Variants in CNIH3 observed in about 807,000 individuals in gnomAD.
CNIH3 encodes the protein protein cornichon homolog 3.
CNIH3 carries 14 observed loss-of-function variants against 24.1 expected under a neutral mutation model. The observed-to-expected ratio is 0.58, with a 90% confidence interval of 0.38 to 0.91. The LOEUF (loss-of-function observed/expected upper bound fraction) is 0.91. CNIH3 is among the 40% of genes least tolerant of loss of function. The pLI, the probability that CNIH3 is intolerant of heterozygous loss-of-function variation, is 0.00. For missense variants in CNIH3, 178 were observed against 196.8 expected (o/e 0.90, Z 0.57); for synonymous variants, 68 against 73.8 (o/e 0.92, Z 0.40).
chr1:224,598,831 A>G (rs1310882081), intron 3 of CNIH3, among the ~76,000 whole-genome samples: 2 of 152,340 alleles, frequency 1.3e-5, no homozygotes, highest in East Asian at 3.9e-4. Context: ...ACCACAGTAT[A>G]GTATAAACAT....
chr1:224,552,445 G>A (rs1225538632), intron 3 of CNIH3, among the ~76,000 whole-genome samples: 2 of 149,844 alleles, frequency 1.3e-5, no homozygotes, highest in Non-Finnish European at 3.0e-5. Context: ...TGTGGTATTA[G>A]GAGTAATATC....
intron 3 of CNIH3, among the ~76,000 whole-genome samples, chr1:224,557,824 A>G (rs1680204548): frequency 6.6e-6 from 1 of 152,220 alleles, no homozygotes; most frequent in Admixed American, 6.5e-5. Flanking sequence ...TCATTTTGGT[A>G]TCTAGCACCT....
At chr1:224,548,685 G>A (rs947729856) in intron 3 of CNIH3, among the ~76,000 whole-genome samples, 9 of 150,442 alleles carry the variant, frequency 6.0e-5, no homozygotes, top group African/African-American at 2.0e-4. Flanking sequence ...TATCATGATG[G>A]CAGTACACCC....
intron 1 of CNIH3, among the ~76,000 whole-genome samples, chr1:224,651,341 T>A (rs958003904): frequency 6.6e-6 from 1 of 152,208 alleles, no homozygotes; most frequent in Non-Finnish European, 1.5e-5. Context: ...GACTGTACTT[T>A]CATGTGTCTT....
chr1:224,553,341 A>G (rs1279786518), intron 3 of CNIH3, among the ~76,000 whole-genome samples: 1 of 151,994 alleles, frequency 6.6e-6, no homozygotes, highest in Non-Finnish European at 1.5e-5. Context: ...AGATATATCT[A>G]TAACATCCAG....
At chr1:224,522,739 T>TA (rs1220911486) in intron 2 of CNIH3, among the ~76,000 whole-genome samples, 1 of 152,080 alleles carries the variant, frequency 6.6e-6, no homozygotes, top group Non-Finnish European at 1.5e-5. Flanking sequence ...AGCTAAAACC[T>TA]AAAAAAACAA....
intron 1 of CNIH3, among the ~76,000 whole-genome samples, chr1:224,646,570 T>A (rs1038249380): frequency 1.3e-5 from 2 of 152,150 alleles, no homozygotes; most frequent in African/African-American, 4.8e-5. Flanking sequence ...CACGCCCAGC[T>A]AATTTTTGTA....
Position 224,604,011 on chromosome 1 carries a change from C to T in CNIH3, n.402+37747C>T, listed in dbSNP as rs998535766. 2.6e-5 allele frequency among the ~76,000 whole-genome samples: 4 copies of T among 152,118 alleles called. No individual in the cohort carries two copies. Among genetic ancestry groups the T allele is most frequent in the East Asian group, 1.9e-4 (1 of 5,192 alleles). Reference sequence around the variant, plus strand: ...CAAGAATTACAATGCACAGACAATACAAATAAAGTAACAACTATGTAGAAC... The same window carrying T: ...CAAGAATTACAATGCACAGACAATATAAATAAAGTAACAACTATGTAGAAC... On this transcript the variant is annotated intron_variant and non_coding_transcript_variant, in intron 3 of 7. Coordinates refer to the CNIH3 transcript ENST00000478120. The surrounding 1 kb of genome is among the most constrained non-coding windows in gnomAD (Gnocchi z 4.4).
At chr1:224,516,309 T>C (rs1278936323) in intron 1 of CNIH3, among the ~76,000 whole-genome samples, 1 of 91,172 alleles carries the variant, frequency 1.1e-5, no homozygotes, top group African/African-American at 5.8e-5. Context: ...CGAGACTCTG[T>C]CTCAAAAAAA....
chr1:224,574,362 A>G, intron 4 of CNIH3: 1 of 391,524 alleles, frequency 2.6e-6, no homozygotes. Flanking sequence ...TAACTATTTT[A>G]ATATTATTAA....
At chr1:224,531,412 A>G (rs936322750) in intron 2 of CNIH3, among the ~76,000 whole-genome samples, 1 of 152,184 alleles carries the variant, frequency 6.6e-6, no homozygotes, top group South Asian at 2.1e-4. Context: ...CTAAGATAGG[A>G]AGACCCCACC....
chr1:224,523,942 A>G (rs905967463), intron 2 of CNIH3, among the ~76,000 whole-genome samples: 6 of 152,318 alleles, frequency 3.9e-5, no homozygotes, highest in African/African-American at 1.4e-4. Flanking sequence ...CTAAGAAACA[A>G]AACTCCCAGG....
At chr1:224,696,375 G>A (rs1687176636) in intron 3 of CNIH3, among the ~76,000 whole-genome samples, 1 of 152,208 alleles carries the variant, frequency 6.6e-6, no homozygotes, top group Admixed American at 6.5e-5. Flanking sequence ...TTGATTCTGT[G>A]GGGCTGTGTG....
intron 1 of CNIH3, among the ~76,000 whole-genome samples, chr1:224,448,248 A>C (rs1572258891): frequency 7.4e-6 from 1 of 135,276 alleles, no homozygotes; most frequent in Admixed American, 6.9e-5. Context: ...CAAAAAACAC[A>C]CAAAAAAAAT....
At chr1:224,558,157 G>C (rs1224062549) in intron 3 of CNIH3, among the ~76,000 whole-genome samples, 2 of 152,138 alleles carry the variant, frequency 1.3e-5, no homozygotes, top group Non-Finnish European at 2.9e-5. Context: ...CTGGATTGGG[G>C]TCAACGATAT....
At chr1:224,610,336 A>C (rs1431248154) in intron 3 of CNIH3, among the ~76,000 whole-genome samples, 1 of 152,180 alleles carries the variant, frequency 6.6e-6, no homozygotes, top group African/African-American at 2.4e-5. Context: ...TGTAATTTCC[A>C]TGTGTCGAGG....
chr1:224,658,500 T>G (rs1685200334), intron 1 of CNIH3, among the ~76,000 whole-genome samples: 1 of 152,078 alleles, frequency 6.6e-6, no homozygotes, highest in Non-Finnish European at 1.5e-5. Flanking sequence ...AAATTTTGCT[T>G]TTGGAAAATT....
chr1:224,602,527 T>C (rs1258405234), intron 3 of CNIH3, among the ~76,000 whole-genome samples: 1 of 152,238 alleles, frequency 6.6e-6, no homozygotes, highest in African/African-American at 2.4e-5. Flanking sequence ...CTGAAGAATA[T>C]GTAAGTTGTC....
intron 1 of CNIH3, among the ~76,000 whole-genome samples, chr1:224,656,396 A>G (rs753301530): frequency 4.6e-5 from 7 of 152,214 alleles, no homozygotes; most frequent in Non-Finnish European, 1.0e-4. Context: ...ATCCAAGAGA[A>G]CGATCCTAAG....
Sources: gnomAD v4.1 joint callset for allele counts (sites outside exome capture counted in the v4.1 genomes callset) on GRCh38, gnomAD v4.1.1 for gene constraint, Gnocchi (gnomAD v3.1) non-coding constraint, MANE v1.5 for transcripts, NCBI Gene and HGNC (gene_info 2026-07-23, HGNC 2026-07-21) for gene names.